The following MGAT4D variants were observed in gnomAD, a reference collection of about 807,000 sequenced individuals.
MGAT4D encodes MGAT4 family member D, also known as alpha-1,3-mannosyl-glycoprotein 4-beta-N-acetylglucosaminyltransferase-like protein MGAT4D.
Under a neutral mutation model 15.9 loss-of-function variants are expected in MGAT4D, and 34 were observed. The ratio of observed to expected loss-of-function variants is 2.14; its 90% CI spans 1.62 to 2.84. The LOEUF (loss-of-function observed/expected upper bound fraction) is 2.84. Ranked by LOEUF, MGAT4D falls within the 30% of genes most tolerant of loss-of-function variation. The pLI is 0.00. For missense variants in MGAT4D, 327 were observed against 140.2 expected, an observed-to-expected ratio of 2.33 and a Z score of -6.73; for synonymous variants, 112 against 48.2, an observed-to-expected ratio of 2.33 and a Z score of -5.49.
chr4:140,485,842 A>AAAAAAAAAAAAAAAAAAAAAC (rs1733085418), intron 1 of MGAT4D, among the ~76,000 whole-genome samples: 1 of 138,802 alleles, frequency 7.2e-6, no homozygotes, highest in African/African-American at 2.7e-5. Flanking sequence ...AAAAAAAAAA[A>AAAAAAAAAAAAAAAAAAAAAC]AAAAAAGCAA....
At chr4:140,470,414 T>TA (rs759570543) in intron 5 of MGAT4D, among the ~76,000 whole-genome samples, 3 of 152,190 alleles carry the variant, frequency 2.0e-5, no homozygotes, top group Middle Eastern at 3.4e-3. Flanking sequence ...TGAGGAAAAA[T>TA]AAAACAAAGC....
At chr4:140,478,404 G>A (rs760162004) in intron 3 of MGAT4D, among the ~76,000 whole-genome samples, 31 of 152,154 alleles carry the variant, frequency 2.0e-4, no homozygotes, top group African/African-American at 5.3e-4. Context: ...TTTTTCTTGC[G>A]TGTGTCTTTC....
intron 2 of MGAT4D, among the ~76,000 whole-genome samples, chr4:140,480,070 A>G (rs1732596755): frequency 6.6e-6 from 1 of 152,164 alleles, no homozygotes; most frequent in Non-Finnish European, 1.5e-5. Flanking sequence ...ATGTTAGAGG[A>G]CGCACATTGC....
intron 5 of MGAT4D, among the ~76,000 whole-genome samples, chr4:140,466,554 A>G (rs1731544144): frequency 6.6e-6 from 1 of 152,196 alleles, no homozygotes; most frequent in Admixed American, 6.5e-5. Context: ...AAAAGAAATC[A>G]AATCATTAAT....
At chr4:140,480,907 C>T (rs1037098562) in intron 2 of MGAT4D, among the ~76,000 whole-genome samples, 8 of 151,854 alleles carry the variant, frequency 5.3e-5, no homozygotes, top group Non-Finnish European at 1.0e-4. Flanking sequence ...TTGCATTCCC[C>T]GTTTGAACAG....
chr4:140,496,205 A>G (rs1308530387), intron 1 of MGAT4D, among the ~76,000 whole-genome samples: 2 of 152,194 alleles, frequency 1.3e-5, no homozygotes, highest in Non-Finnish European at 2.9e-5. Context: ...TTCAGAAACT[A>G]AGTGAAGTAT....
chr4:140,455,319 T>A (rs548104399), intron 9 of MGAT4D, among the ~76,000 whole-genome samples: 1 of 152,336 alleles, frequency 6.6e-6, no homozygotes, highest in South Asian at 2.1e-4. Flanking sequence ...TGAAACTTCT[T>A]CCTTCACCTA....
intron 1 of MGAT4D, among the ~76,000 whole-genome samples, chr4:140,497,079 T>G (rs1475053294): frequency 2.0e-5 from 3 of 152,314 alleles, no homozygotes; most frequent in Admixed American, 6.5e-5. Flanking sequence ...TAGAATATTT[T>G]GTGTATATGA....
Position 140,492,592 on chromosome 4 carries a change from C to T in MGAT4D, c.94+5537G>A, listed in dbSNP as rs548734043. On this transcript the variant is annotated intron_variant, in intron 1 of 10. Coordinates refer to ENST00000511113, the MANE Select transcript of MGAT4D (RefSeq NM_001277353.2). ...ACAGTGAGCCAAGATTGCACCACCG[C>T]CCTCTAGCCTGGATGACAGAGCAAG... 2.0e-5 allele frequency among the ~76,000 whole-genome samples: 3 copies of T among 151,740 alleles called. 1 individual carries two copies. The South Asian group carries it at 6.3e-4, about 32-fold the overall frequency.
intron 10 of MGAT4D, among the ~76,000 whole-genome samples, chr4:140,450,691 A>G (rs1462826474): frequency 6.6e-6 from 1 of 152,208 alleles, no homozygotes; most frequent in African/African-American, 2.4e-5. Flanking sequence ...TAAAGCAAGC[A>G]TTTCTTTCAC....
intron 6 of MGAT4D, among the ~76,000 whole-genome samples, chr4:140,464,539 T>G (rs1469187711): frequency 6.6e-6 from 1 of 152,168 alleles, no homozygotes; most frequent in Non-Finnish European, 1.5e-5. Flanking sequence ...AATCCCAGGC[T>G]CTCCCCCTCC....
chr4:140,463,128 C>T (rs1427202371), intron 6 of MGAT4D, among the ~76,000 whole-genome samples: 1 of 152,040 alleles, frequency 6.6e-6, no homozygotes, highest in Non-Finnish European at 1.5e-5. Context: ...ATTTAGGAAG[C>T]CAAGAGAAAT....
intron 1 of MGAT4D, among the ~76,000 whole-genome samples, chr4:140,496,769 G>A (rs1399044100): frequency 6.6e-6 from 1 of 152,124 alleles, no homozygotes; most frequent in Non-Finnish European, 1.5e-5. Context: ...CTTGAACCTG[G>A]GAGGCACAGG....
At chr4:140,481,734 G>C (rs1015630175) in intron 2 of MGAT4D, among the ~76,000 whole-genome samples, 5 of 152,186 alleles carry the variant, frequency 3.3e-5, no homozygotes, top group African/African-American at 1.2e-4. Context: ...CATTTGCATG[G>C]CTTCTGGAAA....
chr4:140,459,713 T>G, intron 7 of MGAT4D, 87 bp from the exon 8 acceptor site: 1 of 345,516 alleles, frequency 2.9e-6, no homozygotes, highest in Non-Finnish European at 5.2e-6. Flanking sequence ...AAAATACAAC[T>G]GAATATACTG....
chr4:140,485,582 TA>T (rs1380424681), intron 1 of MGAT4D, among the ~76,000 whole-genome samples: 6 of 150,972 alleles, frequency 4.0e-5, no homozygotes, highest in South Asian at 4.2e-4. Flanking sequence ...TAAATTTTAT[TA>T]AAAAAATTAA....
chr4:140,452,884 G>T (rs1730560513), intron 9 of MGAT4D, among the ~76,000 whole-genome samples: 2 of 152,014 alleles, frequency 1.3e-5, no homozygotes, highest in African/African-American at 4.8e-5. Context: ...TTAGATAGAT[G>T]ATTTTTTGTG....
At chr4:140,474,372 A>C (rs2126792338) in intron 4 of MGAT4D, among the ~76,000 whole-genome samples, 1 of 152,342 alleles carries the variant, frequency 6.6e-6, no homozygotes, top group Admixed American at 6.5e-5. Context: ...CTCAAGCATA[A>C]GAAAGTCTCT....
chr4:140,443,996 A>G (rs1255963481), intron 10 of MGAT4D, among the ~76,000 whole-genome samples: 1 of 152,172 alleles, frequency 6.6e-6, no homozygotes, highest in South Asian at 2.1e-4. Flanking sequence ...AAAACCCCAC[A>G]CAAAACCAAA....
Sources: gnomAD v4.1 joint callset for allele counts (sites outside exome capture counted in the v4.1 genomes callset) on GRCh38, gnomAD v4.1.1 for gene constraint, MANE v1.5 for transcripts, NCBI Gene and HGNC (gene_info 2026-07-23, HGNC 2026-07-21) for gene names.